Variants in NRXN3 observed in about 807,000 individuals in gnomAD.
NRXN3 encodes neurexin III.
A neutral mutation model predicts 137.6 loss-of-function variants in NRXN3; 32 were observed. The observed-to-expected ratio is 0.23, with a 90% CI of 0.18 to 0.31. The LOEUF is 0.31. NRXN3 is among the 10% of genes least tolerant of loss of function. The pLI is 1.00. For missense variants in NRXN3, 1,574 were observed against 2,062.5 expected, an observed-to-expected ratio of 0.76 and a Z score of 4.59; for synonymous variants, 798 against 784.5, an observed-to-expected ratio of 1.02 and a Z score of -0.29.
At chr14:79,085,025 C>T (rs1595791887) in intron 15 of NRXN3, among the ~76,000 whole-genome samples, 1 of 152,192 alleles carries the variant, frequency 6.6e-6, no homozygotes, top group South Asian at 2.1e-4. Flanking sequence ...GGGATTATGC[C>T]TGGCACCTGC....
At chr14:79,480,267 A>C (rs2096595141) in intron 16 of NRXN3, among the ~76,000 whole-genome samples, 1 of 152,190 alleles carries the variant, frequency 6.6e-6, no homozygotes, top group Admixed American at 6.5e-5. Flanking sequence ...CCTAATTCCT[A>C]AGGTTAACAG....
At chr14:78,177,834 TC>T (rs2153343434) in intron 1 of NRXN3, 1 of 152,252 alleles carries the variant, frequency 6.6e-6, no homozygotes, top group South Asian at 2.1e-4. Flanking sequence ...CTACTCTTAC[TC>T]CCATCCAAGA....
chr14:79,740,386 TG>T (rs1568071423), intron 19 of NRXN3, among the ~76,000 whole-genome samples: 2 of 151,960 alleles, frequency 1.3e-5, no homozygotes, highest in Non-Finnish European at 1.5e-5. Flanking sequence ...CCGTGACTCC[TG>T]GGGGGCCTGC....
chr14:78,780,157 C>G (rs79646159), intron 8 of NRXN3, among the ~76,000 whole-genome samples: 1 of 152,120 alleles, frequency 6.6e-6, no homozygotes, highest in African/African-American at 2.4e-5. Flanking sequence ...CTGTTCCTTA[C>G]AGTATGGAAA....
chr14:79,514,314 A>G (rs1486830131), intron 16 of NRXN3, among the ~76,000 whole-genome samples: 1 of 151,986 alleles, frequency 6.6e-6, no homozygotes, highest in Non-Finnish European at 1.5e-5. Flanking sequence ...GTACTGGCCT[A>G]AAATTCAAGC....
At chr14:79,543,119 G>A (rs1471897483) in intron 16 of NRXN3, among the ~76,000 whole-genome samples, 11 of 152,120 alleles carry the variant, frequency 7.2e-5, no homozygotes, top group Admixed American at 7.2e-4. Context: ...TGACTCTGGC[G>A]ATGTCAGTCA....
rs1381956170 is a variant in NRXN3 at position 79,864,211 on chromosome 14, C to T, written c.*2247C>T. On this transcript the variant is annotated 3_prime_UTR_variant, in exon 21 of 21. Transcript: ENST00000335750. Reference sequence around the variant, plus strand: ...AAGTAATAATACATTTGTTATATTCCTTTCAGTGTAAGTTTCTATTTGGAC... The same window carrying T: ...AAGTAATAATACATTTGTTATATTCTTTTCAGTGTAAGTTTCTATTTGGAC... 2.0e-5 allele frequency: 3 copies of T among 152,300 alleles called. No individual in the cohort carries two copies. Among genetic ancestry groups the T allele is most frequent in the Non-Finnish European group, 2.9e-5 (2 of 67,972 alleles). 9.4% of individuals were successfully genotyped at this position (152,300 alleles called of 1,614,324 possible).
intron 19 of NRXN3, among the ~76,000 whole-genome samples, chr14:79,709,257 TCTGTTTAC>T (rs999102730): frequency 2.0e-5 from 3 of 152,164 alleles, no homozygotes; most frequent in African/African-American, 7.2e-5. Context: ...AATCATGGTA[TCTGTTTAC>T]CTATCTCTTC....
At chr14:78,643,563 A>G (rs759863651) in intron 4 of NRXN3, among the ~76,000 whole-genome samples, 13 of 152,210 alleles carry the variant, frequency 8.5e-5, no homozygotes, top group Non-Finnish European at 1.9e-4. Context: ...TGACAAATAT[A>G]CCTTTAAAAC....
At chr14:78,501,587 T>C (rs2095877099) in intron 4 of NRXN3, among the ~76,000 whole-genome samples, 1 of 152,158 alleles carries the variant, frequency 6.6e-6, no homozygotes, top group Non-Finnish European at 1.5e-5. Flanking sequence ...GTGGAGAAGG[T>C]TATACTTGGG....
At chr14:78,984,157 A>G (rs1367232198) in intron 14 of NRXN3, among the ~76,000 whole-genome samples, 3 of 152,192 alleles carry the variant, frequency 2.0e-5, no homozygotes, top group African/African-American at 7.2e-5. Flanking sequence ...ATTGCATAGA[A>G]TGGTGACTAC....
chr14:79,759,353 T>C (rs2099030577), intron 19 of NRXN3, among the ~76,000 whole-genome samples: 1 of 151,746 alleles, frequency 6.6e-6, no homozygotes, highest in Admixed American at 6.6e-5. Context: ...TTGACAGTAT[T>C]CTTTCTCTGC....
intron 4 of NRXN3, among the ~76,000 whole-genome samples, chr14:78,636,078 G>C (rs1371026520): frequency 6.6e-6 from 1 of 152,030 alleles, no homozygotes; most frequent in African/African-American, 2.4e-5. Flanking sequence ...AATATTTGTT[G>C]AGCGCTGAGG....
At chr14:79,581,744 T>C (rs948989951) in intron 16 of NRXN3, among the ~76,000 whole-genome samples, 8 of 152,342 alleles carry the variant, frequency 5.3e-5, no homozygotes, top group Middle Eastern at 6.8e-3. Context: ...GTTAGTTTTC[T>C]TTGTGTATGT....
At chr14:78,790,776 C>T (rs1595886352) in intron 8 of NRXN3, among the ~76,000 whole-genome samples, 1 of 152,130 alleles carries the variant, frequency 6.6e-6, no homozygotes, top group East Asian at 1.9e-4. Context: ...GTCTTCTTTT[C>T]ACAGGAGATG....
chr14:78,390,511 C>A (rs947748636), intron 4 of NRXN3, among the ~76,000 whole-genome samples: 1 of 152,178 alleles, frequency 6.6e-6, no homozygotes, highest in African/African-American at 2.4e-5. Context: ...TAGCTGTTCG[C>A]TCCAACTTTT....
chr14:78,798,285 C>G (rs1322739793), intron 8 of NRXN3, among the ~76,000 whole-genome samples: 1 of 152,126 alleles, frequency 6.6e-6, no homozygotes, highest in African/African-American at 2.4e-5. Context: ...GAGAAATTGG[C>G]CAAAACAAAG....
intron 10 of NRXN3, among the ~76,000 whole-genome samples, chr14:78,834,598 C>CA (rs1462295579): frequency 5.9e-5 from 9 of 152,014 alleles, no homozygotes; most frequent in Middle Eastern, 3.2e-3. Context: ...CTAAGGTAAC[C>CA]AGGTGAGGAG....
chr14:79,406,527 T>TC (rs2095316398), intron 15 of NRXN3, among the ~76,000 whole-genome samples: 1 of 152,022 alleles, frequency 6.6e-6, no homozygotes, highest in Admixed American at 6.6e-5. Flanking sequence ...GGTCTAGATC[T>TC]CCTAGGCTCA....
Sources: allele counts gnomAD v4.1 joint callset (sites outside exome capture counted in the v4.1 genomes callset), GRCh38; gene constraint gnomAD v4.1.1; transcripts MANE v1.5; gene names NCBI Gene and HGNC (gene_info 2026-07-23, HGNC 2026-07-21).